The following KIAA0825 variants were observed in gnomAD, a reference collection of about 807,000 sequenced individuals.
KIAA0825 encodes the protein KIAA0825, also known as uncharacterized protein KIAA0825.
Under a neutral mutation model 147.6 loss-of-function variants are expected in KIAA0825, and 119 were observed. The ratio of observed to expected loss-of-function variants is 0.81; its 90% CI spans 0.69 to 0.94. The LOEUF (loss-of-function observed/expected upper bound fraction) is 0.94, where lower values mean the gene tolerates loss of function less well. KIAA0825 is among the 40% of genes least tolerant of loss of function. The pLI is 0.00. For synonymous variants in KIAA0825, 470 were observed against 518.1 expected (o/e 0.91, Z 1.26); for missense variants, 1,381 against 1,472.7 (o/e 0.94, Z 1.02).
intron 5 of KIAA0825, among the ~76,000 whole-genome samples, chr5:94,516,489 A>G (rs1403499762): frequency 6.6e-6 from 1 of 152,264 alleles, no homozygotes; most frequent in Non-Finnish European, 1.5e-5. Context: ...TGTAGAAGAC[A>G]GAAATAATGT....
intron 20 of KIAA0825, among the ~76,000 whole-genome samples, chr5:94,299,678 A>G (rs191376406): frequency 6.6e-6 from 1 of 152,294 alleles, no homozygotes; most frequent in East Asian, 1.9e-4. Context: ...TTTAATACTG[A>G]AGGCAGAGCT....
intron 20 of KIAA0825, among the ~76,000 whole-genome samples, chr5:94,168,417 G>C (rs1189986931): frequency 6.6e-6 from 1 of 152,088 alleles, no homozygotes; most frequent in African/African-American, 2.4e-5. Context: ...AACTGTCCAA[G>C]CAATTTATTT....
chr5:94,571,127 G>T (rs1232697303), intron 2 of KIAA0825, among the ~76,000 whole-genome samples: 5 of 152,080 alleles, frequency 3.3e-5, no homozygotes, highest in Admixed American at 3.3e-4. Flanking sequence ...TTCCCCACAG[G>T]TTCTAAATTT....
At chr5:94,296,564 G>C (rs13187099) in intron 20 of KIAA0825, among the ~76,000 whole-genome samples, 156 of 152,244 alleles carry the variant, frequency 1.0e-3, no homozygotes, top group Admixed American at 1.6e-3. Context: ...CTGGTCTGGG[G>C]TTGCAAAGAT....
intron 20 of KIAA0825, among the ~76,000 whole-genome samples, chr5:94,239,090 A>G (rs934483283): frequency 6.6e-6 from 1 of 152,178 alleles, no homozygotes; most frequent in African/African-American, 2.4e-5. Flanking sequence ...AAACAACAGA[A>G]TGCACTCTCA....
intron 2 of KIAA0825, among the ~76,000 whole-genome samples, chr5:94,544,975 C>CA (rs1398666620): frequency 6.6e-6 from 1 of 151,964 alleles, no homozygotes; most frequent in Non-Finnish European, 1.5e-5. Flanking sequence ...TTGCTGACGT[C>CA]ACCCTCCCTC....
chr5:94,434,192 A>G (rs565133274), intron 14 of KIAA0825, among the ~76,000 whole-genome samples: 1 of 152,360 alleles, frequency 6.6e-6, no homozygotes, highest in East Asian at 1.9e-4. Context: ...GCCACCTACC[A>G]TGTGAAATCA....
chr5:94,531,268 A>C (rs1210053388), intron 3 of KIAA0825, among the ~76,000 whole-genome samples: 5 of 152,206 alleles, frequency 3.3e-5, no homozygotes, highest in African/African-American at 1.2e-4. Flanking sequence ...AACACTGAGG[A>C]CACACTATGT....
intron 20 of KIAA0825, among the ~76,000 whole-genome samples, chr5:94,252,782 G>A (rs551331957): frequency 8.5e-4 from 129 of 152,098 alleles, no homozygotes; most frequent in African/African-American, 3.0e-3. Flanking sequence ...ACTCTTGAAT[G>A]CTTACATACC....
intron 20 of KIAA0825, among the ~76,000 whole-genome samples, chr5:94,243,214 A>G (rs1775443429): frequency 6.6e-6 from 1 of 152,208 alleles, no homozygotes; most frequent in Non-Finnish European, 1.5e-5. Flanking sequence ...TGCTTGTTAT[A>G]TTAATGCACA....
intron 20 of KIAA0825, among the ~76,000 whole-genome samples, chr5:94,203,997 A>G (rs1771931385): frequency 6.6e-6 from 1 of 152,202 alleles, no homozygotes; most frequent in Non-Finnish European, 1.5e-5. Flanking sequence ...ATATTTAGAA[A>G]AAATATCAAA....
At chr5:94,238,186 G>T (rs756939596) in intron 20 of KIAA0825, among the ~76,000 whole-genome samples, 5 of 152,194 alleles carry the variant, frequency 3.3e-5, no homozygotes, top group Non-Finnish European at 5.9e-5. Flanking sequence ...TGGGTGGCAA[G>T]ATGGGCAGGT....
At chr5:94,435,633 T>C (rs1354423414) in intron 14 of KIAA0825, among the ~76,000 whole-genome samples, 2 of 152,196 alleles carry the variant, frequency 1.3e-5, no homozygotes, top group South Asian at 4.1e-4. Context: ...TTTGGGTATA[T>C]ACCCAGTAAC....
intron 20 of KIAA0825, among the ~76,000 whole-genome samples, chr5:94,203,017 C>T (rs758044416): frequency 7.2e-5 from 11 of 152,072 alleles, no homozygotes; most frequent in Admixed American, 6.6e-4. Flanking sequence ...TGAACAAAGG[C>T]CCTAGTTTTA....
At chr5:94,434,567 C>CATTTTCTGCTGCTAT in intron 14 of KIAA0825, among the ~76,000 whole-genome samples, 1 of 152,106 alleles carries the variant, frequency 6.6e-6, no homozygotes, top group South Asian at 2.1e-4. Context: ...TGTCTTAGTC[C>CATTTTCTGCTGCTAT]ATTTTCTGCT....
chr5:94,306,317 TTATAAG>T (rs1335013652), intron 20 of KIAA0825, among the ~76,000 whole-genome samples: 1 of 151,786 alleles, frequency 6.6e-6, no homozygotes, highest in East Asian at 1.9e-4. Flanking sequence ...AAGTACAACA[TTATAAG>T]TATAAAATCC....
Position 94,247,833 on chromosome 5 carries a change from T to C in KIAA0825, c.3711-93709A>G, listed in dbSNP as rs556516364. ...CTCTTCTATTAATACTTTAGGATTG[T>C]AGAGTTGAGTAGATAATGTGTAGTC... On this transcript the variant is annotated intron_variant, in intron 20 of 20. Transcript: ENST00000682413. Among the ~76,000 whole-genome samples the C allele has an allele frequency of 3.5e-4, 54 of 152,256 alleles. No homozygotes were observed. The South Asian group carries it at 5.0e-3, about 14-fold the overall frequency.
intron 14 of KIAA0825, among the ~76,000 whole-genome samples, chr5:94,426,556 C>T (rs1754912661): frequency 6.6e-6 from 1 of 152,102 alleles, no homozygotes; most frequent in Non-Finnish European, 1.5e-5. Context: ...CTTGGAATAG[C>T]GTGCGGGTCA....
In KIAA0825 at chr5:94,534,854, T is replaced by C. The variant is rs556638619; in HGVS notation, c.131+2142A>G. Among the ~76,000 whole-genome samples the C allele has an allele frequency of 5.3e-5, 8 of 152,256 alleles. No individual in the cohort carries two copies. The South Asian group carries it at 1.4e-3, about 28-fold the overall frequency. ...TTTACCTTTTTAAAAATATTTCAAT[T>C]TTTAAAACTATAACCATCTCTGAAA... On this transcript the variant is annotated intron_variant, in intron 3 of 20. Coordinates refer to ENST00000682413, the MANE Select transcript of KIAA0825 (RefSeq NM_001145678.3).
Sources: allele counts gnomAD v4.1 joint callset (sites outside exome capture counted in the v4.1 genomes callset), GRCh38; gene constraint gnomAD v4.1.1; transcripts MANE v1.5; gene names NCBI Gene and HGNC (gene_info 2026-07-23, HGNC 2026-07-21).